PPP1R1C: variants seen among roughly 807,000 people sequenced by gnomAD.
PPP1R1C encodes the protein protein phosphatase 1 regulatory inhibitor subunit 1C.
PPP1R1C carries 15 observed loss-of-function variants against 17.4 expected under a neutral mutation model. That is an observed-to-expected ratio of 0.86 (90% CI 0.58 to 1.33). The LOEUF (loss-of-function observed/expected upper bound fraction) is 1.33. Among genes scored for constraint, PPP1R1C ranks in the 40% most tolerant of loss-of-function variants. The probability of loss-of-function intolerance (pLI) is 0.00; values close to 1 mark genes in which losing one functional copy is unlikely to be tolerated. For missense variants in PPP1R1C, 143 were observed against 130.0 expected, an observed-to-expected ratio of 1.10 and a Z score of -0.48; for synonymous variants, 35 against 43.1, an observed-to-expected ratio of 0.81 and a Z score of 0.73.
At chr2:182,118,889 C>A (rs184873461), downstream of PPP1R1C, among the ~76,000 whole-genome samples, 4 of 151,702 alleles carry the variant, frequency 2.6e-5, no homozygotes, top group East Asian at 1.9e-4. Flanking sequence ...TTCTCCACCC[C>A]TCCCATGACT....
At chr2:182,036,733 C>T (rs78274403) in intron 2 of PPP1R1C, among the ~76,000 whole-genome samples, 23,458 of 151,856 alleles carry the variant, frequency 0.15, 2,282 homozygotes, top group South Asian at 0.26. Flanking sequence ...ATATATAAAA[C>T]ATAATGGCAA....
At chr2:181,993,161 A>G (rs1171929430) in intron 2 of PPP1R1C, among the ~76,000 whole-genome samples, 1 of 152,174 alleles carries the variant, frequency 6.6e-6, no homozygotes, top group Non-Finnish European at 1.5e-5. Context: ...GGCTCCAGAA[A>G]TTTCTGGTGA....
intron 4 of PPP1R1C, among the ~76,000 whole-genome samples, chr2:182,099,046 T>A (rs1448654250): frequency 3.3e-5 from 5 of 152,150 alleles, no homozygotes; most frequent in African/African-American, 1.2e-4. Flanking sequence ...AGTAATAACT[T>A]GTGACTAGAA....
At chr2:181,998,262 C>CGTGT (rs2125147255) in intron 2 of PPP1R1C, among the ~76,000 whole-genome samples, 1 of 152,304 alleles carries the variant, frequency 6.6e-6, no homozygotes, top group African/African-American at 2.4e-5. Flanking sequence ...GCTGGCAACA[C>CGTGT]TATTGATGCT....
At chr2:181,985,800 C>T (rs1685280631), upstream of PPP1R1C, 2 of 382,444 alleles carry the variant, frequency 5.2e-6, no homozygotes, top group Non-Finnish European at 9.5e-6. This position sits in a 1 kb window ranked among gnomAD's most constrained non-coding sequence, Gnocchi z 4.1. Flanking sequence ...TTTCAATTAG[C>T]TGCTGAGTGA....
intron 5 of PPP1R1C, among the ~76,000 whole-genome samples, chr2:182,128,382 T>C (rs1433619921): frequency 3.3e-5 from 5 of 152,178 alleles, no homozygotes; most frequent in African/African-American, 7.2e-5. Flanking sequence ...CGGTAAAACG[T>C]GGAGAATTAT....
At chr2:181,970,849 A>G (rs1244974184) in intron 1 of PPP1R1C, among the ~76,000 whole-genome samples, 1 of 152,050 alleles carries the variant, frequency 6.6e-6, no homozygotes, top group Admixed American at 6.6e-5. Context: ...TTCTGTGGCC[A>G]CCACTGCCCC....
At chr2:182,055,942 G>C (rs1687671600) in intron 2 of PPP1R1C, among the ~76,000 whole-genome samples, 2 of 152,096 alleles carry the variant, frequency 1.3e-5, no homozygotes, top group South Asian at 4.1e-4. Flanking sequence ...TTGTGAATGG[G>C]AGTTTTCTCT....
chr2:182,093,420 G>A (rs1239294793), intron 4 of PPP1R1C, among the ~76,000 whole-genome samples: 1 of 152,172 alleles, frequency 6.6e-6, no homozygotes, highest in Non-Finnish European at 1.5e-5. Context: ...GACATGTCCT[G>A]GAGACATTTT....
intron 2 of PPP1R1C, among the ~76,000 whole-genome samples, chr2:182,024,672 C>A (rs553855505): frequency 4.0e-5 from 6 of 151,742 alleles, no homozygotes; most frequent in Non-Finnish European, 8.8e-5. Context: ...GCCTGCAACA[C>A]GGTGAAACCT....
At chr2:182,119,320 G>C (rs1689671566), downstream of PPP1R1C, among the ~76,000 whole-genome samples, 2 of 152,026 alleles carry the variant, frequency 1.3e-5, no homozygotes, top group Non-Finnish European at 2.9e-5. Flanking sequence ...GGACATTTGG[G>C]TTGGTTCCAA....
chr2:182,127,711 G>C (rs1203463474), intron 5 of PPP1R1C, among the ~76,000 whole-genome samples: 5 of 152,184 alleles, frequency 3.3e-5, no homozygotes, highest in African/African-American at 1.2e-4. Flanking sequence ...ATGCAACAGT[G>C]TTGGAGAAAG....
At chr2:182,098,829 C>T (rs917424778) in intron 4 of PPP1R1C, among the ~76,000 whole-genome samples, 2 of 152,124 alleles carry the variant, frequency 1.3e-5, no homozygotes, top group African/African-American at 2.4e-5. Context: ...AGGAAGCTAT[C>T]TAAATATTAT....
intron 4 of PPP1R1C, among the ~76,000 whole-genome samples, chr2:182,084,615 G>C (rs1420137887): frequency 2.6e-5 from 4 of 151,948 alleles, no homozygotes; most frequent in Non-Finnish European, 1.5e-5. Flanking sequence ...CTGTTTTATT[G>C]GTCTATGCAT....
chr2:181,955,971 G>C (rs1684663670), intron 1 of PPP1R1C, among the ~76,000 whole-genome samples: 1 of 152,058 alleles, frequency 6.6e-6, no homozygotes, highest in Non-Finnish European at 1.5e-5. Flanking sequence ...ATGGTGGTTT[G>C]CTGCACCCAT....
intron 2 of PPP1R1C, among the ~76,000 whole-genome samples, chr2:182,050,104 G>A (rs1385935131): frequency 1.3e-5 from 2 of 152,118 alleles, no homozygotes; most frequent in African/African-American, 4.8e-5. Context: ...TATTTTTATA[G>A]TTCTGTTAAA....
downstream of PPP1R1C, among the ~76,000 whole-genome samples, chr2:182,119,924 GT>G (rs1422391789): frequency 5.9e-5 from 9 of 152,190 alleles, no homozygotes; most frequent in African/African-American, 2.2e-4. Context: ...GATCCCATTT[GT>G]CAGTTTTGGC....
downstream of PPP1R1C, among the ~76,000 whole-genome samples, chr2:182,121,704 A>G (rs1689737156): frequency 6.6e-6 from 1 of 151,926 alleles, no homozygotes; most frequent in Non-Finnish European, 1.5e-5. Context: ...GGGTTTCGCC[A>G]TATTGTCCAG....
chr2:182,124,340 T>TTTTTTTTTTTTTTTTTTTTTTG (rs1689820366), intron 5 of PPP1R1C, among the ~76,000 whole-genome samples: 1 of 129,826 alleles, frequency 7.7e-6, no homozygotes, highest in African/African-American at 3.2e-5. Flanking sequence ...TTTTTTTTTG[T>TTTTTTTTTTTTTTTTTTTTTTG]TTTTTTTTTT....
Sources: gnomAD v4.1 joint callset for allele counts (sites outside exome capture counted in the v4.1 genomes callset) on GRCh38, gnomAD v4.1.1 for gene constraint, Gnocchi (gnomAD v3.1) non-coding constraint, MANE v1.5 for transcripts, NCBI Gene and HGNC (gene_info 2026-07-23, HGNC 2026-07-21) for gene names.